The following CRYGD variants were observed in gnomAD, a reference collection of about 807,000 sequenced individuals.
CRYGD encodes the protein crystallin gamma D, also known as gamma-crystallin D.
In CRYGD, 13 loss-of-function variants were observed where a neutral mutation model predicts 11.3. That is an observed-to-expected ratio of 1.15 (90% confidence interval 0.75 to 1.83). The LOEUF (loss-of-function observed/expected upper bound fraction) is 1.83, where lower values mean the gene tolerates loss of function less well. CRYGD is among the 40% of genes most tolerant of loss of function. The pLI is 0.00. For missense variants in CRYGD, 231 were observed against 229.9 expected (o/e 1.00, Z -0.03); for synonymous variants, 77 against 89.5 (o/e 0.86, Z 0.79).
At position 208,121,954 on chromosome 2, in the gene CRYGD, C is replaced by G; in HGVS notation, c.253-9G>C. On this transcript the variant is annotated splice_polypyrimidine_tract_variant and intron_variant, in intron 2 of 2. Transcript: ENST00000264376. Reference sequence around the variant, plus strand: ...ATCCTGTGAGAGCCAGACTGGCGGACCCAGAAATAAAAAGAGAAGAAAAGC... The same window carrying G: ...ATCCTGTGAGAGCCAGACTGGCGGAGCCAGAAATAAAAAGAGAAGAAAAGC... 6.2e-7 allele frequency: 1 copy of G among 1,613,998 alleles called. No individual in the cohort carries two copies. The highest frequency in any genetic ancestry group is 8.5e-7 in the Non-Finnish European group (1 of 1,180,034).
In CRYGD at chr2:208,121,693, T is replaced by G. The variant is rs1694865910; in HGVS notation, c.505A>C (p.Arg169=). ...ATNARVGSLR[R]VIDFS ...ATATTTCAGGAGAAATCTATGACTCTCCTCAGAGAGCCCACTCTGGCATTC... is the reference window on the plus strand; with the variant it reads ...ATATTTCAGGAGAAATCTATGACTCGCCTCAGAGAGCCCACTCTGGCATTC... Residue 169 remains arginine, a synonymous_variant, in exon 3 of 3, where the codon AGA becomes CGA. Transcript: ENST00000264376. 3 of 1,613,504 alleles carry G rather than the reference T, an allele frequency of 1.9e-6. No homozygotes were observed. The highest frequency in any genetic ancestry group is 2.5e-6 in the Non-Finnish European group (3 of 1,179,716).
At chr2:208,124,410 T>G (rs530798371) in intron 1 of CRYGD, 55 bp downstream of exon 1, 4 of 1,601,582 alleles carry the variant, frequency 2.5e-6, no homozygotes, top group African/African-American at 2.7e-5. Flanking sequence ...TGCCCCAGTC[T>G]CTGGCCCCCG....
intron 2 of CRYGD, among the ~76,000 whole-genome samples, chr2:208,123,202 A>G (rs1694905809): frequency 6.8e-6 from 1 of 147,296 alleles, no homozygotes; most frequent in African/African-American, 2.5e-5. Flanking sequence ...AGTTATATAA[A>G]TATATTAAAT....
intron 2 of CRYGD, among the ~76,000 whole-genome samples, chr2:208,122,443 T>C (rs1694883535): frequency 1.4e-5 from 2 of 147,810 alleles, no homozygotes; most frequent in Non-Finnish European, 3.0e-5. Context: ...AAGTTAATCA[T>C]ATTTTATTTT....
At chr2:208,122,943 C>T (rs1559317745) in intron 2 of CRYGD, among the ~76,000 whole-genome samples, 2 of 149,922 alleles carry the variant, frequency 1.3e-5, no homozygotes, top group African/African-American at 4.9e-5. Context: ...CCTGTAACTC[C>T]AGCTACTCAG....
Position 208,124,455 on chromosome 2 carries a change from C to G in CRYGD, c.9+10G>C, listed in dbSNP as rs762190761. On this transcript the variant is annotated intron_variant, in intron 1 of 2. Transcript: ENST00000264376. ...AAGCTCCGGGGTCCCGGGGCGCAGG[C>G]TGGGCTCACCTTCCCCATGGCTGGC... The G allele has an allele frequency of 2.0e-4, 321 of 1,577,796 alleles. 1 individual carries two copies. The highest frequency in any genetic ancestry group is 4.6e-4 in the South Asian group (40 of 86,484).
chr2:208,124,260 G>C lies in CRYGD; in HGVS notation c.104C>G (p.Ser35Trp). The change falls in exon 2 of 3, where the codon TCG (serine) becomes TGG (tryptophan). Residue 35 changes from serine (S) to tryptophan (W), a missense_variant. Transcript: ENST00000264376. Reference sequence around the variant, plus strand: ...CCAGCAGCCGCTGTCCACGCGCGCCGAGTTGCAGCGGCTCAAGTAGGGCTG... The same window carrying C: ...CCAGCAGCCGCTGTCCACGCGCGCCCAGTTGCAGCGGCTCAAGTAGGGCTG... ...NLQPYLSRCN[S>W]ARVDSGCWML... 6.2e-7 allele frequency: 1 copy of C among 1,612,092 alleles called. No homozygotes were observed. The highest frequency in any genetic ancestry group is 1.1e-5 in the South Asian group (1 of 90,948).
rs374192743 is a variant in CRYGD, at chr2:208,124,244, G to T, written c.120C>A (p.Ser40Arg). ...GCTGCTCATAGAGCATCCAGCAGCCGCTGTCCACGCGCGCCGAGTTGCAGC... is the reference window on the plus strand; with the variant it reads ...GCTGCTCATAGAGCATCCAGCAGCCTCTGTCCACGCGCGCCGAGTTGCAGC... ...LSRCNSARVDSGCWMLYEQPN... is the reference protein window; with the variant it reads ...LSRCNSARVDRGCWMLYEQPN... Residue 40 changes from serine to arginine, a missense_variant, in exon 2 of 3, where the codon AGC becomes AGA. By Grantham distance (110) the Ser-to-Arg change is moderately radical (BLOSUM62 -1). Coordinates refer to ENST00000264376, the MANE Select transcript of CRYGD (RefSeq NM_006891.4). 3.1e-6 allele frequency: 5 copies of T among 1,612,278 alleles called. No homozygotes were observed. In the African/African-American group the frequency reaches 5.3e-5, roughly 17 times the overall value.
chr2:208,121,968 G>A, intron 2 of CRYGD, 23 bp from the exon 3 acceptor site: 2 of 1,613,764 alleles, frequency 1.2e-6, no homozygotes, highest in Non-Finnish European at 1.7e-6. Flanking sequence ...GAAATAAAAA[G>A]AGAAGAAAAG....
chr2:208,124,466 T>C lies in CRYGD; in HGVS notation c.8A>G (p.Lys3Arg). 2 of 1,575,720 alleles carry C rather than the reference T, an allele frequency of 1.3e-6. No homozygotes were observed. The highest frequency in any genetic ancestry group is 1.7e-6 in the Non-Finnish European group (2 of 1,161,732). ...TCCCGGGGCGCAGGCTGGGCTCACC[T>C]TCCCCATGGCTGGCTGGGCGCACGG... Reference protein sequence around the residue: MGKITLYEDRGFQ... With the variant: MGRITLYEDRGFQ... Residue 3 changes from lysine (K) to arginine (R), a missense_variant and splice_region_variant, in exon 1 of 3, where the codon AAG (lysine) becomes AGG (arginine). Transcript: ENST00000264376.
At position 208,124,452 on chromosome 2, in the gene CRYGD, A is replaced by G. The variant is rs763738952; in HGVS notation, c.9+13T>C. The stretch of plus-strand genomic sequence containing the variant: ...AGGAAGCTCCGGGGTCCCGGGGCGC[A>G]GGCTGGGCTCACCTTCCCCATGGCT... On this transcript the variant is annotated intron_variant, in intron 1 of 2. Coordinates refer to ENST00000264376, the MANE Select transcript of CRYGD (RefSeq NM_006891.4). The G allele has an allele frequency of 8.9e-6, 14 of 1,579,370 alleles. No homozygotes were observed. Among genetic ancestry groups the G allele is most frequent in the East Asian group, 6.9e-5 (3 of 43,554 alleles).
chr2:208,121,886 C>T lies in CRYGD; in HGVS notation c.312G>A (p.Glu104=). The part of the protein sequence containing the change: ...EREDYRGQMI[E]FTEDCSCLQD... ...GAAGACAGGAGCAGTCCTCAGTGAACTCTATCATCTGGCCTCTGTAGTCCT... is the reference window on the plus strand; with the variant it reads ...GAAGACAGGAGCAGTCCTCAGTGAATTCTATCATCTGGCCTCTGTAGTCCT... The change falls in exon 3 of 3, where the codon GAG becomes GAA. Residue 104 remains glutamate (E), a synonymous_variant. Coordinates refer to ENST00000264376, the MANE Select transcript of CRYGD (RefSeq NM_006891.4). The T allele has an allele frequency of 5.6e-6, 9 of 1,614,188 alleles. No homozygotes were observed. Among genetic ancestry groups the T allele is most frequent in the South Asian group, 1.1e-5 (1 of 91,080 alleles).
chr2:208,123,739 T>C lies in CRYGD; in HGVS notation c.252+373A>G, dbSNP rs112879724. ...AGAGAGGAGCAAAAACGGGAAAAAG[T>C]CTCAAAAGAAATTACCCTGTTTGCT... On this transcript the variant is annotated intron_variant, in intron 2 of 2. Transcript: ENST00000264376. Among the ~76,000 whole-genome samples the C allele has an allele frequency of 7.9e-3, 1,203 of 152,284 alleles. 20 individuals are homozygous for C. The highest frequency in any genetic ancestry group is 0.027 in the African/African-American group (1,139 of 41,562).
chr2:208,124,320 C>T lies in CRYGD; in HGVS notation c.44G>A (p.Arg15His), dbSNP rs770386297. ...TLYEDRGFQG[R>H]HYECSSDHPN... Reference sequence around the variant, plus strand: ...GTGGTCGCTGCTGCATTCATAGTGGCGGCCCTGGAAGCCCCGGTCCTCGTA... The same window carrying T: ...GTGGTCGCTGCTGCATTCATAGTGGTGGCCCTGGAAGCCCCGGTCCTCGTA... The change falls in exon 2 of 3, where the codon CGC becomes CAC. Residue 15 changes from arginine (R) to histidine (H), a missense_variant. Physicochemically the swap from Arg to His is conservative, Grantham distance 29. Coordinates refer to ENST00000264376, the MANE Select transcript of CRYGD (RefSeq NM_006891.4). The T allele has an allele frequency of 1.3e-5, 21 of 1,610,158 alleles. No individual in the cohort carries two copies. In the Admixed American group the frequency reaches 2.4e-4, roughly 18 times the overall value.
intron 2 of CRYGD, 97 bp from the exon 3 acceptor site, chr2:208,122,042 AT>A: frequency 6.5e-7 from 1 of 1,544,434 alleles, no homozygotes; most frequent in Non-Finnish European, 8.9e-7. Context: ...CGCTCAAGCC[AT>A]TTTGAAATAC....
At chr2:208,122,345 T>A (rs1694880525) in intron 2 of CRYGD, among the ~76,000 whole-genome samples, 3 of 148,378 alleles carry the variant, frequency 2.0e-5, no homozygotes, top group Admixed American at 6.7e-5. Flanking sequence ...AATGTATAAT[T>A]TTAATATACA....
rs763718179 is a variant in CRYGD at position 208,121,837 on chromosome 2, T to C, written c.361A>G (p.Ile121Val). 2.5e-6 allele frequency: 4 copies of C among 1,614,114 alleles called. 1 individual carries two copies. The South Asian group carries it at 4.4e-5, about 18-fold the overall frequency. The change falls in exon 3 of 3, where the codon ATC (isoleucine) becomes GTC (valine). Residue 121 changes from isoleucine (I) to valine (V), a missense_variant. By Grantham distance (29) the Ile-to-Val change is conservative (BLOSUM62 3). Transcript: ENST00000264376. ...CLQDRFRFNE[I>V]HSLNVLEGSW... is the part of the protein sequence containing the mutation. ...CCCTCCAGCACGTTGAGGGAGTGGA[T>C]TTCATTGAAGCGGAAGCGGTCCTGA... is the stretch of plus-strand genomic sequence containing the variant.
chr2:208,122,069 T>A, intron 2 of CRYGD, 124 bp from the exon 3 acceptor site: 1 of 1,331,894 alleles, frequency 7.5e-7, no homozygotes, highest in Non-Finnish European at 1.0e-6. Flanking sequence ...AAAATTTAAT[T>A]AATTCTGAAT....
At position 208,124,350 on chromosome 2, in the gene CRYGD, G is replaced by T; in HGVS notation, c.14C>A (p.Thr5Asn). MGKITLYEDRGFQGR... is the reference protein window; with the variant it reads MGKINLYEDRGFQGR... Reference sequence around the variant, plus strand: ...CTGGAAGCCCCGGTCCTCGTAGAGGGTGATCTGCAAGGCAAGGCGGGACAA... The same window carrying T: ...CTGGAAGCCCCGGTCCTCGTAGAGGTTGATCTGCAAGGCAAGGCGGGACAA... The change falls in exon 2 of 3, where the codon ACC (threonine) becomes AAC (asparagine). Residue 5 changes from threonine to asparagine, a missense_variant. Thr to Asn is a moderately conservative substitution (Grantham distance 65). Coordinates refer to ENST00000264376, the MANE Select transcript of CRYGD (RefSeq NM_006891.4). The T allele has an allele frequency of 6.2e-7, 1 of 1,611,478 alleles. No individual in the cohort carries two copies. Among genetic ancestry groups the T allele is most frequent in the Non-Finnish European group, 8.5e-7 (1 of 1,179,374 alleles).
Sources: gnomAD v4.1 joint callset for allele counts (sites outside exome capture counted in the v4.1 genomes callset) on GRCh38, gnomAD v4.1.1 for gene constraint, MANE v1.5 for transcripts, NCBI Gene and HGNC (gene_info 2026-07-23, HGNC 2026-07-21) for gene names.